Variants in RASAL2 observed in about 807,000 individuals in gnomAD.
RASAL2 encodes the protein RAS protein activator like 2.
Under a neutral mutation model 128.9 loss-of-function variants are expected in RASAL2, and 58 were observed. The observed-to-expected ratio is 0.45, with a 90% confidence interval of 0.36 to 0.56. The LOEUF is 0.56. Ranked by LOEUF, RASAL2 falls within the 20% of genes least tolerant of loss-of-function variation. The pLI is 0.00. For synonymous variants in RASAL2, 561 were observed against 580.8 expected (o/e 0.97, Z 0.49); for missense variants, 1,360 against 1,601.6 (o/e 0.85, Z 2.57).
intron 1 of RASAL2, among the ~76,000 whole-genome samples, chr1:178,167,285 T>C (rs1202784129): frequency 1.3e-5 from 2 of 152,068 alleles, no homozygotes; most frequent in East Asian, 3.8e-4. Context: ...AATCAGAGAA[T>C]TATGATTTCT....
rs375939154 is a variant in RASAL2, at chr1:178,467,452, C to A, written c.3678+31C>A. On this transcript the variant is annotated intron_variant, in intron 17 of 17. Coordinates refer to ENST00000367649, the MANE Select transcript of RASAL2 (RefSeq NM_170692.4). ...CAGGCTTTGAATCTAATAGAAGGCA[C>A]TTGTTTATAGTAACGATTATTTCCT... 45 of 1,573,420 alleles carry A rather than the reference C, an allele frequency of 2.9e-5. No individual in the cohort carries two copies. The African/African-American group carries it at 3.6e-4, about 13-fold the overall frequency.
At chr1:178,318,367 T>G (rs1668587748) in intron 3 of RASAL2, among the ~76,000 whole-genome samples, 1 of 151,326 alleles carries the variant, frequency 6.6e-6, no homozygotes, top group African/African-American at 2.4e-5. Context: ...TCTGTCTCGT[T>G]GATCTGTCTA....
At chr1:178,251,010 T>G (rs1665030358) in intron 1 of RASAL2, among the ~76,000 whole-genome samples, 1 of 152,200 alleles carries the variant, frequency 6.6e-6, no homozygotes, top group African/African-American at 2.4e-5. Flanking sequence ...TTTGTTACTA[T>G]TTTGTAAAAT....
At chr1:178,095,236 T>C (rs1388734575) in intron 1 of RASAL2, among the ~76,000 whole-genome samples, 2 of 152,220 alleles carry the variant, frequency 1.3e-5, no homozygotes, top group Non-Finnish European at 2.9e-5. Context: ...TTGTTTCAGA[T>C]TACACTATTG....
intron 8 of RASAL2, among the ~76,000 whole-genome samples, chr1:178,444,901 T>G (rs953741915): frequency 6.6e-6 from 1 of 151,996 alleles, no homozygotes; most frequent in Non-Finnish European, 1.5e-5. Flanking sequence ...TAAATATTAA[T>G]CAAGTAATTA....
intron 12 of RASAL2, among the ~76,000 whole-genome samples, chr1:178,455,256 C>T (rs1186745853): frequency 6.6e-6 from 1 of 152,062 alleles, no homozygotes; most frequent in Non-Finnish European, 1.5e-5. Flanking sequence ...TTTCTTCCTT[C>T]TGGAATTTAA....
chr1:178,417,539 A>G (rs1411521476), intron 4 of RASAL2, among the ~76,000 whole-genome samples: 1 of 152,108 alleles, frequency 6.6e-6, no homozygotes, highest in East Asian at 1.9e-4. Flanking sequence ...AGGTGGGCGG[A>G]TCACCTGAGG....
intron 1 of RASAL2, among the ~76,000 whole-genome samples, chr1:178,241,799 C>T (rs989918654): frequency 3.3e-5 from 5 of 152,178 alleles, no homozygotes; most frequent in Non-Finnish European, 7.3e-5. Flanking sequence ...GATTAATTCT[C>T]CCCCTTCCAC....
intron 1 of RASAL2, among the ~76,000 whole-genome samples, chr1:178,227,679 A>G (rs1663843356): frequency 6.6e-6 from 1 of 152,210 alleles, no homozygotes; most frequent in African/African-American, 2.4e-5. Context: ...GAATTTAAGT[A>G]ATTGCATATT....
At chr1:178,457,312 C>G (rs777531299) in intron 13 of RASAL2, among the ~76,000 whole-genome samples, 7 of 152,114 alleles carry the variant, frequency 4.6e-5, no homozygotes, top group Non-Finnish European at 8.8e-5. Flanking sequence ...AAGACTTGTG[C>G]CTTTTGCAGG....
intron 3 of RASAL2, among the ~76,000 whole-genome samples, chr1:178,362,600 A>T (rs9970470): frequency 6.6e-6 from 1 of 152,024 alleles, no homozygotes; most frequent in African/African-American, 2.4e-5. Flanking sequence ...TTTAGCCTAC[A>T]TAGCTGCAAA....
intron 3 of RASAL2, among the ~76,000 whole-genome samples, chr1:178,363,845 C>T (rs1671252588): frequency 6.6e-6 from 1 of 152,028 alleles, no homozygotes; most frequent in Non-Finnish European, 1.5e-5. Context: ...GCCTGTAATC[C>T]CAGCACTTTG....
rs71567191 is a variant in RASAL2 at position 178,358,237 on chromosome 1, T to TAAA, written c.458-31836_458-31834dup. ...CGTGACAGAGTGAGACTCTGTCTCC[T>TAAA]AAAAAAAAAAAAAAAAAAAAAAAAA... On this transcript the variant is annotated intron_variant, in intron 3 of 17. Transcript: ENST00000367649. Among the ~76,000 whole-genome samples the TAAA allele has an allele frequency of 2.0e-3, 70 of 34,764 alleles. 1 individual carries two copies. Among genetic ancestry groups the TAAA allele is most frequent in the East Asian group, 3.6e-3 (3 of 836 alleles). 22.8% of individuals were successfully genotyped at this position (34,764 alleles called of 152,430 possible).
intron 3 of RASAL2, among the ~76,000 whole-genome samples, chr1:178,378,996 TA>T (rs770265554): frequency 4.6e-5 from 7 of 151,600 alleles, no homozygotes; most frequent in Non-Finnish European, 7.4e-5. Context: ...CTAATGAAAA[TA>T]GATGAAACCG....
intron 1 of RASAL2, among the ~76,000 whole-genome samples, chr1:178,263,150 CA>C (rs1369368535): frequency 6.6e-6 from 1 of 152,114 alleles, no homozygotes; most frequent in African/African-American, 2.4e-5. Context: ...AGACCATTCA[CA>C]GTTTAAATCA....
chr1:178,327,280 T>A (rs1250736190), intron 3 of RASAL2, among the ~76,000 whole-genome samples: 1 of 152,124 alleles, frequency 6.6e-6, no homozygotes, highest in Non-Finnish European at 1.5e-5. Flanking sequence ...GAATCTTAGA[T>A]AACAGAAAAT....
chr1:178,333,838 T>G (rs1669459555), intron 3 of RASAL2, among the ~76,000 whole-genome samples: 2 of 152,240 alleles, frequency 1.3e-5, no homozygotes, highest in Non-Finnish European at 2.9e-5. Context: ...GATTTTTCAG[T>G]TTTTCATTAG....
intron 3 of RASAL2, among the ~76,000 whole-genome samples, chr1:178,321,015 C>T (rs1444471251): frequency 1.3e-5 from 2 of 152,194 alleles, no homozygotes; most frequent in Non-Finnish European, 2.9e-5. Context: ...AGTTTTGACA[C>T]GTTAGTGGCT....
At chr1:178,174,158 G>A (rs1661806627) in intron 1 of RASAL2, among the ~76,000 whole-genome samples, 1 of 151,874 alleles carries the variant, frequency 6.6e-6, no homozygotes, top group South Asian at 2.1e-4. Context: ...AAACGTATTA[G>A]CATATAATTT....
Sources: gnomAD v4.1 joint callset for allele counts (sites outside exome capture counted in the v4.1 genomes callset) on GRCh38, gnomAD v4.1.1 for gene constraint, MANE v1.5 for transcripts, NCBI Gene and HGNC (gene_info 2026-07-23, HGNC 2026-07-21) for gene names.